Variants in SCTR observed in about 807,000 individuals in gnomAD.
SCTR encodes the protein secretin receptor, also known as pancreatic secretin receptor.
In SCTR, 56 loss-of-function variants were observed where a neutral mutation model predicts 60.8. The observed-to-expected ratio is 0.92, with a 90% CI of 0.74 to 1.15. The LOEUF (loss-of-function observed/expected upper bound fraction) is 1.15. Ranked by LOEUF, SCTR falls within the 50% of genes most tolerant of loss-of-function variation. The probability of loss-of-function intolerance (pLI) is 0.00; values close to 1 mark genes in which losing one functional copy is unlikely to be tolerated. For synonymous variants in SCTR, 202 were observed against 217.0 expected (o/e 0.93, Z 0.61); for missense variants, 562 against 550.4 (o/e 1.02, Z -0.21).
At position 119,465,833 on chromosome 2, in the gene SCTR, G is replaced by A. The variant is rs373000166; in HGVS notation, c.459C>T (p.Ser153=). 4 of 1,613,936 alleles carry A rather than the reference G, an allele frequency of 2.5e-6. No individual in the cohort carries two copies. The African/African-American group carries it at 4.0e-5, about 16-fold the overall frequency. Residue 153 remains serine, a synonymous_variant, in exon 5 of 13, where the codon TCC becomes TCT. Transcript: ENST00000019103. Reference sequence around the variant, plus strand: ...CAAGGGCGACCAGGAGCATGACCAGGGAGGAGCTGTAGCCCACGGTGTACA... The same window carrying A: ...CAAGGGCGACCAGGAGCATGACCAGAGAGGAGCTGTAGCCCACGGTGTACA... The part of the protein sequence containing the change: ...KVMYTVGYSS[S]LVMLLVALGI...
intron 3 of SCTR, among the ~76,000 whole-genome samples, chr2:119,475,203 G>C (rs954462971): frequency 1.3e-5 from 2 of 152,212 alleles, no homozygotes; most frequent in Admixed American, 1.3e-4. Context: ...AATCAAGAGA[G>C]TTAGGTTGTC....
chr2:119,481,392 C>G (rs2104858179), intron 2 of SCTR, among the ~76,000 whole-genome samples: 1 of 152,290 alleles, frequency 6.6e-6, no homozygotes, highest in Non-Finnish European at 1.5e-5. Context: ...GAGCTGGGTG[C>G]CTGTCAGAGA....
intron 4 of SCTR, among the ~76,000 whole-genome samples, chr2:119,470,727 G>C (rs1231076651): frequency 6.6e-6 from 1 of 152,172 alleles, no homozygotes; most frequent in Non-Finnish European, 1.5e-5. Flanking sequence ...TGGGGGCAGA[G>C]TCTCGCTCTG....
In SCTR at chr2:119,503,674, G is replaced by A. The variant is rs555998575; in HGVS notation, c.73-9126C>T. On this transcript the variant is annotated intron_variant, in intron 1 of 12. Coordinates refer to ENST00000019103, the MANE Select transcript of SCTR (RefSeq NM_002980.3). ...GTTGGAATGGAAGAATAGGTGGAACGTGGGACTTTTAGGGCAGTGAATCGA... is the reference window on the plus strand; with the variant it reads ...GTTGGAATGGAAGAATAGGTGGAACATGGGACTTTTAGGGCAGTGAATCGA... Among the ~76,000 whole-genome samples the A allele has an allele frequency of 1.1e-4, 16 of 152,296 alleles. No homozygotes were observed. The South Asian group carries it at 2.7e-3, about 26-fold the overall frequency.
At chr2:119,460,407 AGTGGGTGGATGTGT>A (rs1683555093) in intron 7 of SCTR, among the ~76,000 whole-genome samples, 1 of 149,736 alleles carries the variant, frequency 6.7e-6, no homozygotes, top group African/African-American at 2.5e-5. Flanking sequence ...TGGATGGATG[AGTGGGTGGATGTGT>A]GCATGGGTGG....
At chr2:119,453,710 A>G (rs1683262616) in intron 7 of SCTR, among the ~76,000 whole-genome samples, 2 of 152,174 alleles carry the variant, frequency 1.3e-5, no homozygotes, top group African/African-American at 4.8e-5. Context: ...CCCTTCTCAT[A>G]CTGTGATCTG....
chr2:119,449,005 T>C (rs1257886632), intron 9 of SCTR, among the ~76,000 whole-genome samples: 1 of 152,196 alleles, frequency 6.6e-6, no homozygotes, highest in Non-Finnish European at 1.5e-5. Flanking sequence ...GCCCCTGGGC[T>C]GCAGAAGCTC....
intron 2 of SCTR, among the ~76,000 whole-genome samples, chr2:119,489,124 G>A (rs1056235397): frequency 6.6e-6 from 1 of 152,086 alleles, no homozygotes; most frequent in Admixed American, 6.6e-5. Context: ...GGCAGAGCCG[G>A]CTCACCACTC....
chr2:119,453,355 T>G lies in SCTR; in HGVS notation c.791-8A>C. 1 of 1,611,172 alleles carries G rather than the reference T, an allele frequency of 6.2e-7. No individual in the cohort carries two copies. Among genetic ancestry groups the G allele is most frequent in the Non-Finnish European group, 8.5e-7 (1 of 1,177,466 alleles). The stretch of plus-strand genomic sequence containing the variant: ...CAAAAATGGCTGGAGAACCTGAGGA[T>G]TAAAAACAAAGGGAGGGGCAGAAGA... On this transcript the variant is annotated splice_polypyrimidine_tract_variant and splice_region_variant and intron_variant, in intron 7 of 12. Transcript: ENST00000019103.
chr2:119,481,617 C>G (rs1417633476), intron 2 of SCTR, among the ~76,000 whole-genome samples: 1 of 152,172 alleles, frequency 6.6e-6, no homozygotes, highest in Non-Finnish European at 1.5e-5. Context: ...GTGAGACAGG[C>G]AGTCACAGAC....
intron 1 of SCTR, among the ~76,000 whole-genome samples, chr2:119,511,121 T>G (rs1678917107): frequency 6.6e-6 from 1 of 151,882 alleles, no homozygotes; most frequent in South Asian, 2.1e-4. Flanking sequence ...GAGAATGGTG[T>G]GAACTTGGGA....
At position 119,464,102 on chromosome 2, in the gene SCTR, TG is replaced by T. The variant is rs1355962093; in HGVS notation, c.636+20del. On this transcript the variant is annotated intron_variant, in intron 6 of 12. Transcript: ENST00000019103. Reference sequence around the variant, plus strand: ...AAGGCAGGCGGGCCTGGCGACATCCTGGGGCACCCAGACATATTACCCTGTG... The same window carrying T: ...AAGGCAGGCGGGCCTGGCGACATCCTGGGCACCCAGACATATTACCCTGTG... 26 of 1,613,690 alleles carry T rather than the reference TG, an allele frequency of 1.6e-5. No homozygotes were observed. The highest frequency in any genetic ancestry group is 2.1e-5 in the Non-Finnish European group (25 of 1,179,848).
intron 11 of SCTR, among the ~76,000 whole-genome samples, chr2:119,445,654 G>T (rs866993724): frequency 1.5e-4 from 23 of 152,280 alleles, no homozygotes; most frequent in Middle Eastern, 6.8e-3. Context: ...ATGTCGTTAA[G>T]GACTAAGTCC....
Position 119,497,086 on chromosome 2 carries a change from C to T in SCTR, c.73-2538G>A, listed in dbSNP as rs115655558. On this transcript the variant is annotated intron_variant, in intron 1 of 12. Transcript: ENST00000019103. ...AGTTCAGAAGTAACAAGGTCCTCCT[C>T]TTCATGTCTTCACCAGAAGGTGTCA... Among the ~76,000 whole-genome samples, 1,146 of 152,328 alleles carry T rather than the reference C, an allele frequency of 7.5e-3. 14 individuals are homozygous for T. Among genetic ancestry groups the T allele is most frequent in the African/African-American group, 0.026 (1,093 of 41,580 alleles).
chr2:119,441,805 G>T, intron 11 of SCTR: 2 of 565,490 alleles, frequency 3.5e-6, no homozygotes, highest in Middle Eastern at 4.9e-4. Flanking sequence ...CATAAACTGT[G>T]AACTCCTTGC....
intron 4 of SCTR, among the ~76,000 whole-genome samples, chr2:119,468,625 G>A (rs748298122): frequency 2.0e-5 from 3 of 152,222 alleles, no homozygotes; most frequent in Admixed American, 6.5e-5. Flanking sequence ...CCTTCAAAAT[G>A]AGTCAGCGGT....
chr2:119,465,078 T>TGACAGACTTGA (rs1468915694), intron 5 of SCTR, among the ~76,000 whole-genome samples: 8 of 152,218 alleles, frequency 5.3e-5, no homozygotes, highest in Non-Finnish European at 1.2e-4. Context: ...GGCTCCACCC[T>TGACAGACTTGA]TCTCACCCTC....
chr2:119,472,980 A>G (rs1677088712), intron 4 of SCTR, among the ~76,000 whole-genome samples: 1 of 152,300 alleles, frequency 6.6e-6, no homozygotes, highest in Middle Eastern at 3.4e-3. Flanking sequence ...CTCAGGATGC[A>G]CATATATTAA....
rs545920858 is a variant in SCTR, at chr2:119,447,697, G to A, written c.1014-812C>T. Among the ~76,000 whole-genome samples, 10 of 152,208 alleles carry A rather than the reference G, an allele frequency of 6.6e-5. No individual in the cohort carries two copies. In the South Asian group the frequency reaches 1.9e-3, roughly 28 times the overall value. On this transcript the variant is annotated intron_variant, in intron 10 of 12. Transcript: ENST00000019103. ...AGTGATTCTCCTATCTCAGCCTCCCGAGTAGCTGAGATTACAGGCGCCCTC... is the reference window on the plus strand; with the variant it reads ...AGTGATTCTCCTATCTCAGCCTCCCAAGTAGCTGAGATTACAGGCGCCCTC...
Sources: allele counts gnomAD v4.1 joint callset (sites outside exome capture counted in the v4.1 genomes callset), GRCh38; gene constraint gnomAD v4.1.1; transcripts MANE v1.5; gene names NCBI Gene and HGNC (gene_info 2026-07-23, HGNC 2026-07-21).